Variants in PDE6B observed in about 807,000 individuals in gnomAD.
The protein encoded by PDE6B is phosphodiesterase 6B.
PDE6B carries 106 observed loss-of-function variants against 109.0 expected under a neutral mutation model. That is an observed-to-expected ratio of 0.97 (90% CI 0.83 to 1.14). The LOEUF is 1.14. Among genes scored for constraint, PDE6B ranks in the 50% most tolerant of loss-of-function variants. The pLI is 0.00. For synonymous variants in PDE6B, 490 were observed against 471.3 expected, an observed-to-expected ratio of 1.04 and a Z score of -0.51; for missense variants, 1,193 against 1,155.6, an observed-to-expected ratio of 1.03 and a Z score of -0.47.
chr4:649,003 C>T (rs955872953), intron 3 of PDE6B, among the ~76,000 whole-genome samples: 1 of 152,166 alleles, frequency 6.6e-6, no homozygotes, highest in African/African-American at 2.4e-5. Context: ...CGTGGTCTGT[C>T]CACACCGGGC....
rs530927752 is a variant in PDE6B, at chr4:647,019, C to T, written c.712-6833C>T. ...ATTACAGGTGCCCACCACCGCGGCC[C>T]GGCTAATTTTTGTATTTTTAGTAGA... On this transcript the variant is annotated intron_variant, in intron 3 of 21. Transcript: ENST00000496514. 4.0e-5 allele frequency among the ~76,000 whole-genome samples: 6 copies of T among 151,778 alleles called. No homozygotes were observed. In the South Asian group the frequency reaches 6.2e-4, roughly 16 times the overall value.
chr4:647,862 C>G (rs1251537403), intron 3 of PDE6B, among the ~76,000 whole-genome samples: 1 of 151,988 alleles, frequency 6.6e-6, no homozygotes, highest in Non-Finnish European at 1.5e-5. Flanking sequence ...CACCTGAGGT[C>G]AGGAGTTCGA....
At chr4:629,231 C>T (rs1188007889) in intron 1 of PDE6B, among the ~76,000 whole-genome samples, 1 of 152,208 alleles carries the variant, frequency 6.6e-6, no homozygotes, top group East Asian at 1.9e-4. Flanking sequence ...TTCCCCATCC[C>T]CCGCTGTGCA....
chr4:647,792 G>A (rs927712319), intron 3 of PDE6B, among the ~76,000 whole-genome samples: 5 of 152,056 alleles, frequency 3.3e-5, no homozygotes, highest in Admixed American at 3.3e-4. Context: ...TGTGGCTCTG[G>A]CCAGGTGTGA....
intron 4 of PDE6B, 24 bp downstream of exon 4, chr4:654,016 C>T (rs1445045238): frequency 1.9e-6 from 3 of 1,613,654 alleles, no homozygotes; most frequent in Admixed American, 3.3e-5. Flanking sequence ...GGCTCAGGGA[C>T]CCCCTGCCTG....
chr4:654,334 G>C (rs1187426581), intron 5 of PDE6B, 180 bp downstream of exon 5: 1 of 706,776 alleles, frequency 1.4e-6, no homozygotes, highest in Non-Finnish European at 2.6e-6. Flanking sequence ...CTCCAGGGAT[G>C]GGGTGTCCAG....
At chr4:650,122 C>T (rs978625490) in intron 3 of PDE6B, among the ~76,000 whole-genome samples, 11 of 152,226 alleles carry the variant, frequency 7.2e-5, no homozygotes, top group East Asian at 1.9e-4. Context: ...GGTGCTGGGA[C>T]GCTGGGCACG....
chr4:649,167 G>A (rs1735366041), intron 3 of PDE6B, among the ~76,000 whole-genome samples: 1 of 152,236 alleles, frequency 6.6e-6, no homozygotes, highest in Admixed American at 6.5e-5. Context: ...GTGGGGCGGG[G>A]CGGGTGATCC....
rs1024517532 is a variant in PDE6B at position 650,539 on chromosome 4, A to G, written c.712-3313A>G. Among the ~76,000 whole-genome samples the G allele has an allele frequency of 5.3e-5, 8 of 152,336 alleles. No individual in the cohort carries two copies. The East Asian group carries it at 1.5e-3, about 29-fold the overall frequency. On this transcript the variant is annotated intron_variant, in intron 3 of 21. Coordinates refer to ENST00000496514, the MANE Select transcript of PDE6B (RefSeq NM_000283.4). ...CTGCGTGGGCAGAGAGGGCCCAGGA[A>G]GGCCCCAAGCGTGGGGTCAGGGCAC...
Position 634,762 on chromosome 4 carries a change from ACGT to A in PDE6B, c.558_560del (p.Val187del), listed in dbSNP as rs2109133264. 6 of 1,613,682 alleles carry A rather than the reference ACGT, an allele frequency of 3.7e-6. No homozygotes were observed. The highest frequency in any genetic ancestry group is 1.7e-5 in the Admixed American group (1 of 60,026). ...GCCACACCCATCATGAATGGCAAAG[ACGT>A]CGTGGCGGTGATCATGGCAGTGAAC... On this transcript the variant is annotated inframe_deletion, in exon 2 of 22. Coordinates refer to ENST00000496514, the MANE Select transcript of PDE6B (RefSeq NM_000283.4).
chr4:646,636 C>G (rs937298864), intron 3 of PDE6B, among the ~76,000 whole-genome samples: 5 of 152,054 alleles, frequency 3.3e-5, no homozygotes, highest in Admixed American at 6.6e-5. Context: ...TCGCTCCGCT[C>G]GTGGTTCCCT....
rs538512225 is a variant in PDE6B at position 662,707 on chromosome 4, GA to G, written c.1832+92del. ...TAGGCTTCGCATAGCAGGCTATGTAGAAAGTGGAGTCCACGGCCAGGCCCCG... is the reference window on the plus strand; with the variant it reads ...TAGGCTTCGCATAGCAGGCTATGTAGAAGTGGAGTCCACGGCCAGGCCCCG... On this transcript the variant is annotated intron_variant, in intron 14 of 21. Coordinates refer to ENST00000496514, the MANE Select transcript of PDE6B (RefSeq NM_000283.4). This position sits in a 1 kb window ranked among gnomAD's most constrained non-coding sequence, Gnocchi z 4.3. The G allele has an allele frequency of 1.0e-3, 905 of 872,892 alleles. 4 individuals carry two copies. In the African/African-American group the frequency reaches 0.014, roughly 13 times the overall value. 54.1% of individuals were successfully genotyped at this position (872,892 alleles called of 1,614,324 possible).
intron 3 of PDE6B, chr4:653,129 G>C: frequency 3.0e-6 from 3 of 984,498 alleles, no homozygotes; most frequent in Non-Finnish European, 3.6e-6. Flanking sequence ...CTGAGTGCCA[G>C]GGGGTGGAAC....
rs1737259526 is a variant in PDE6B at position 662,729 on chromosome 4, C to G, written c.1832+111C>G. 1.3e-6 allele frequency: 1 copy of G among 764,634 alleles called. No homozygotes were observed. Among genetic ancestry groups the G allele is most frequent in the Non-Finnish European group, 2.3e-6 (1 of 434,112 alleles). 47.4% of individuals were successfully genotyped at this position (764,634 alleles called of 1,614,324 possible). ...GTAGAAAGTGGAGTCCACGGCCAGG[C>G]CCCGTACTCCAGCACTGTGGGAGGC... On this transcript the variant is annotated intron_variant, in intron 14 of 21. Transcript: ENST00000496514. The surrounding 1 kb of genome is among the most constrained non-coding windows in gnomAD (Gnocchi z 4.3).
rs947202846 is a variant in PDE6B, at chr4:665,008, G to A, written c.2193+64G>A. ...TCTCAGCACATGGGACTGCCGGGCG[G>A]GCGGGAGCCTCGGATGGCAACGGAC... On this transcript the variant is annotated intron_variant, in intron 18 of 21. Transcript: ENST00000496514. This position sits in a 1 kb window ranked among gnomAD's most constrained non-coding sequence, Gnocchi z 4.0. 1 of 1,336,744 alleles carries A rather than the reference G, an allele frequency of 7.5e-7. No individual in the cohort carries two copies. The highest frequency in any genetic ancestry group is 1.1e-6 in the Non-Finnish European group (1 of 928,786). 82.8% of individuals were successfully genotyped at this position (1,336,744 alleles called of 1,614,324 possible).
chr4:636,518 G>A lies in PDE6B; in HGVS notation c.711+549G>A, dbSNP rs1370614377. On this transcript the variant is annotated intron_variant, in intron 3 of 21. Coordinates refer to ENST00000496514, the MANE Select transcript of PDE6B (RefSeq NM_000283.4). The surrounding 1 kb of genome is among the most constrained non-coding windows in gnomAD (Gnocchi z 4.5). ...AGGGGGATGACCTCCAGGGCAGGTG[G>A]TCCTCCCGTCTGAGACCCTGGCTCA... Among the ~76,000 whole-genome samples the A allele has an allele frequency of 6.6e-6, 1 of 152,160 alleles. No homozygotes were observed. Among genetic ancestry groups the A allele is most frequent in the Non-Finnish European group, 1.5e-5 (1 of 68,032 alleles).
Position 667,813 on chromosome 4 carries a change from G to A in PDE6B, c.2353-43G>A, listed in dbSNP as rs138737461. On this transcript the variant is annotated intron_variant, in intron 20 of 21. Transcript: ENST00000496514. ...GAAGGGCTATCTTACTCTGGAGAGA[G>A]CAGGCAGGACAGGACTGGTGGTGAC... 230 of 1,599,600 alleles carry A rather than the reference G, an allele frequency of 1.4e-4. 1 individual carries two copies. In the East Asian group the frequency reaches 5.0e-3, roughly 35 times the overall value.
At chr4:629,642 C>T (rs1254632540) in intron 1 of PDE6B, among the ~76,000 whole-genome samples, 2 of 152,248 alleles carry the variant, frequency 1.3e-5, no homozygotes, top group Non-Finnish European at 2.9e-5. Flanking sequence ...GCAGTCAAGA[C>T]CCTTCGACTC....
Position 662,025 on chromosome 4 carries a change from G to T in PDE6B, c.1615-109G>T. The T allele has an allele frequency of 1.4e-6, 1 of 707,382 alleles. No homozygotes were observed. Among genetic ancestry groups the T allele is most frequent in the Non-Finnish European group, 2.6e-6 (1 of 384,824 alleles). 43.8% of individuals were successfully genotyped at this position (707,382 alleles called of 1,614,324 possible). A position where few individuals can be genotyped will look rare whatever the true frequency, so the allele number is the denominator to read the frequency against. On this transcript the variant is annotated intron_variant, in intron 12 of 21. Coordinates refer to ENST00000496514, the MANE Select transcript of PDE6B (RefSeq NM_000283.4). This position sits in a 1 kb window ranked among gnomAD's most constrained non-coding sequence, Gnocchi z 4.3. ...ATCGGGAAGTCCAGGAGACGGTGTG[G>T]GGATGATGGCACGGAGCAGGGCTTC...
Sources: gnomAD v4.1 joint callset for allele counts (sites outside exome capture counted in the v4.1 genomes callset) on GRCh38, gnomAD v4.1.1 for gene constraint, Gnocchi (gnomAD v3.1) non-coding constraint, MANE v1.5 for transcripts, NCBI Gene and HGNC (gene_info 2026-07-23, HGNC 2026-07-21) for gene names.